The following C19orf67 variants were observed in gnomAD, a reference collection of about 807,000 sequenced individuals.
C19orf67 encodes the protein UPF0575 protein C19orf67.
C19orf67 carries 28 observed loss-of-function variants against 41.4 expected under a neutral mutation model. That is an observed-to-expected ratio of 0.68 (90% CI 0.50 to 0.93). C19orf67 has a LOEUF of 0.93. C19orf67 is among the 40% of genes least tolerant of loss of function. The pLI is 0.00. For synonymous variants in C19orf67, 242 were observed against 203.4 expected, an observed-to-expected ratio of 1.19 and a Z score of -1.62; for missense variants, 421 against 467.0, an observed-to-expected ratio of 0.90 and a Z score of 0.91.
In C19orf67 at chr19:14,081,779, C is replaced by A; in HGVS notation, c.*55G>T. ...AGAACGAGTGAGCCCCTCCCCTGCC[C>A]CCTATTCTGGAGTTTGGAACTGTCA... On this transcript the variant is annotated 3_prime_UTR_variant, in exon 6 of 6. Coordinates refer to ENST00000548523, the MANE Select transcript of C19orf67 (RefSeq NM_001277378.2). The A allele has an allele frequency of 7.3e-7, 1 of 1,377,444 alleles. No individual in the cohort carries two copies. The highest frequency in any genetic ancestry group is 9.6e-7 in the Non-Finnish European group (1 of 1,044,816). 85.3% of individuals were successfully genotyped at this position (1,377,444 alleles called of 1,614,324 possible).
intron 1 of C19orf67, 34 bp from the exon 2 acceptor site, chr19:14,083,911 C>A: frequency 7.7e-6 from 10 of 1,296,404 alleles, no homozygotes; most frequent in Middle Eastern, 2.3e-4. Flanking sequence ...CCTGGAATCC[C>A]TCACAACCCC....
At chr19:14,083,946 T>G in intron 1 of C19orf67, 69 bp from the exon 2 acceptor site, 1 of 1,271,640 alleles carries the variant, frequency 7.9e-7, no homozygotes, top group Non-Finnish European at 9.9e-7. Flanking sequence ...TTTTCCCCAT[T>G]CTACTCAATC....
intron 5 of C19orf67, 43 bp downstream of exon 5, chr19:14,082,426 C>T (rs769761501): frequency 1.3e-4 from 196 of 1,497,336 alleles, no homozygotes; most frequent in Non-Finnish European, 1.7e-4. Flanking sequence ...TCTGCCTCCC[C>T]CTCCAGCTCC....
chr19:14,085,589 C>T lies in C19orf67; in HGVS notation c.39G>A (p.Leu13=). The T allele has an allele frequency of 6.5e-7, 1 of 1,535,200 alleles. No individual in the cohort carries two copies. The highest frequency in any genetic ancestry group is 8.7e-7 in the Non-Finnish European group (1 of 1,146,596). ...TEQWFEGSLP[L]DPGETPPPDA... Reference sequence around the variant, plus strand: ...CTGGAGGCGGTGTTTCTCCAGGGTCCAGGGGGAGCGACCCCTCGAACCACT... The same window carrying T: ...CTGGAGGCGGTGTTTCTCCAGGGTCTAGGGGGAGCGACCCCTCGAACCACT... Residue 13 remains leucine (L), a synonymous_variant, in exon 1 of 6, where the codon CTG becomes CTA. Coordinates refer to ENST00000548523, the MANE Select transcript of C19orf67 (RefSeq NM_001277378.2).
intron 1 of C19orf67, 84 bp downstream of exon 1, chr19:14,085,209 C>G: frequency 8.6e-7 from 1 of 1,157,208 alleles, no homozygotes; most frequent in Non-Finnish European, 1.2e-6. Context: ...TGTAATTTTG[C>G]GACCCTGGTG....
rs1408429223 is a variant in C19orf67 at position 14,085,316 on chromosome 19, A to G, written c.312T>C (p.Asp104=). The change falls in exon 1 of 6, where the codon GAT becomes GAC. Residue 104 remains aspartate, a synonymous_variant. Coordinates refer to ENST00000548523, the MANE Select transcript of C19orf67 (RefSeq NM_001277378.2). ...QLRYLLKKAD[D]FQSYLLYSRD... ...ACCTGTAGAGCAAGTAGCTCTGGAA[A>G]TCATCTGCCTTCTTCAGTAGGTAGC... is the stretch of plus-strand genomic sequence containing the variant. The G allele has an allele frequency of 6.5e-7, 1 of 1,536,192 alleles. No homozygotes were observed. Among genetic ancestry groups the G allele is most frequent in the Admixed American group, 2.0e-5 (1 of 51,002 alleles).
Position 14,081,829 on chromosome 19 carries a change from C to T in C19orf67, c.*5G>A, listed in dbSNP as rs1976771822. The T allele has an allele frequency of 1.3e-6, 2 of 1,514,466 alleles. No individual in the cohort carries two copies. The highest frequency in any genetic ancestry group is 2.2e-5 in the Admixed American group (1 of 46,256). 93.8% of individuals were successfully genotyped at this position (1,514,466 alleles called of 1,614,324 possible). A position where few individuals can be genotyped will look rare whatever the true frequency, so the allele number is the denominator to read the frequency against. On this transcript the variant is annotated 3_prime_UTR_variant, in exon 6 of 6. Transcript: ENST00000548523. ...AAGTTCCAGCTCCTACCCTCTTCCC[C>T]AGGTTCAAGACCCCTGCGCTGCCCA...
At chr19:14,084,392 T>TAAA (rs61253783) in intron 1 of C19orf67, among the ~76,000 whole-genome samples, 1 of 133,468 alleles carries the variant, frequency 7.5e-6, no homozygotes, top group African/African-American at 2.7e-5. Flanking sequence ...CCTGTCTCAT[T>TAAA]AAAAAAAAAA....
chr19:14,085,168 C>T, intron 1 of C19orf67, 125 bp downstream of exon 1: 1 of 704,268 alleles, frequency 1.4e-6, no homozygotes, highest in African/African-American at 1.8e-5. Context: ...ATGCTAGCTT[C>T]TTCCACTGTC....
intron 4 of C19orf67, among the ~76,000 whole-genome samples, chr19:14,083,020 T>C (rs1399559907): frequency 6.6e-6 from 1 of 152,108 alleles, no homozygotes; most frequent in Non-Finnish European, 1.5e-5. Flanking sequence ...AATTTCTTTG[T>C]TGTTGAGACA....
rs1399989490 is a variant in C19orf67 at position 14,085,478 on chromosome 19, A to G, written c.150T>C (p.Asp50=). ...PGRPGNPSEP[D]PEDAEGRLAE... is the part of the protein sequence containing the mutation. ...CCAGCCGCCCCTCGGCATCTTCAGG[A>G]TCCGGCTCAGATGGGTTCCCAGGCC... Residue 50 remains aspartate, a synonymous_variant, in exon 1 of 6, where the codon GAT becomes GAC. Coordinates refer to ENST00000548523, the MANE Select transcript of C19orf67 (RefSeq NM_001277378.2). 6.5e-7 allele frequency: 1 copy of G among 1,535,410 alleles called. No homozygotes were observed. The highest frequency in any genetic ancestry group is 2.0e-5 in the Admixed American group (1 of 50,958).
intron 1 of C19orf67, among the ~76,000 whole-genome samples, chr19:14,084,376 C>A (rs977421934): frequency 6.7e-6 from 1 of 149,874 alleles, no homozygotes; most frequent in Non-Finnish European, 1.5e-5. Flanking sequence ...GGTGACAGAG[C>A]GAGACCCTGT....
chr19:14,082,116 G>T, intron 5 of C19orf67, 108 bp from the exon 6 acceptor site: 1 of 1,024,778 alleles, frequency 9.8e-7, no homozygotes, highest in Non-Finnish European at 1.4e-6. Flanking sequence ...CTTTGTTTCA[G>T]CTGCGGGTGG....
Position 14,083,869 on chromosome 19 carries a change from T to G in C19orf67, c.344A>C (p.Gln115Pro), listed in dbSNP as rs1175874163. ...FQSYLLYSRD[Q>P]VQKEQLAKAM... ...CTTGGCCAGCTGCTCCTTCTGTACT[T>G]GGTCTCTGCTGAAGGAAGAAGGGGG... Residue 115 changes from glutamine (Q) to proline (P), a missense_variant, in exon 2 of 6, where the codon CAA becomes CCA. This residue lies in a region of C19orf67 where 8 missense variants were observed against 20.7 expected (regional missense o/e 0.39). Coordinates refer to ENST00000548523, the MANE Select transcript of C19orf67 (RefSeq NM_001277378.2). The G allele has an allele frequency of 7.4e-7, 1 of 1,354,424 alleles. No individual in the cohort carries two copies. The allele number at this position is 1,354,424 out of a possible 1,614,324, so 83.9% of individuals were successfully genotyped here.
rs1976843366 is a variant in C19orf67, at chr19:14,085,525, A to AG, written c.102dup (p.Ser35LeufsTer14). The AG allele has an allele frequency of 1.3e-6, 2 of 1,535,156 alleles. No individual in the cohort carries two copies. Among genetic ancestry groups the AG allele is most frequent in the South Asian group, 2.4e-5 (2 of 84,044 alleles). ...GGCCTGCCAGGGGGCGTCGACCTGG[A>AG]GGGGTCTCCGCAGGGCGGCGTCCCA... On this transcript the variant is annotated frameshift_variant, in exon 1 of 6. Transcript: ENST00000548523. LOFTEE classifies it high-confidence loss of function.
In C19orf67 at chr19:14,081,632, C is replaced by T. The variant is rs1046124458; in HGVS notation, c.*202G>A. On this transcript the variant is annotated 3_prime_UTR_variant, in exon 6 of 6. Coordinates refer to ENST00000548523, the MANE Select transcript of C19orf67 (RefSeq NM_001277378.2). ...CGGACGCTGAGCCTGTGACCTCTTT[C>T]TTTCTTTTATTTAACACAAAACTGA... is the stretch of plus-strand genomic sequence containing the variant. 4 of 425,022 alleles carry T rather than the reference C, an allele frequency of 9.4e-6. No homozygotes were observed. Among genetic ancestry groups the T allele is most frequent in the African/African-American group, 6.2e-5 (3 of 48,620 alleles). The allele number at this position is 425,022 out of a possible 1,614,324, so 26.3% of individuals were successfully genotyped here.
At position 14,083,325 on chromosome 19, in the gene C19orf67, AGCGGCTGGCAGTGTAG is replaced by A; in HGVS notation, c.663_678del (p.Tyr222SerfsTer65). ...ATCTTCTTATAGAGGTAGCGGGGGA[AGCGGCTGGCAGTGTAG>A]GCGGTTGGGGCACAGTATCTGAAGA... is the stretch of plus-strand genomic sequence containing the variant. On this transcript the variant is annotated frameshift_variant, in exon 4 of 6. Transcript: ENST00000548523. LOFTEE classifies it high-confidence loss of function. 6.5e-7 allele frequency: 1 copy of A among 1,536,042 alleles called. No individual in the cohort carries two copies. The highest frequency in any genetic ancestry group is 8.7e-7 in the Non-Finnish European group (1 of 1,146,886).
Position 14,083,894 on chromosome 19 carries a change from G to A in C19orf67, c.336-17C>T. The A allele has an allele frequency of 1.2e-5, 15 of 1,299,026 alleles. No individual in the cohort carries two copies. Among genetic ancestry groups the A allele is most frequent in the Non-Finnish European group, 1.5e-5 (15 of 1,022,770 alleles). 80.5% of individuals were successfully genotyped at this position (1,299,026 alleles called of 1,614,324 possible). A position where few individuals can be genotyped will look rare whatever the true frequency, so the allele number is the denominator to read the frequency against. ...TGGTCTCTGCTGAAGGAAGAAGGGG[G>A]CCTTTGCCTGGAATCCCTCACAACC... On this transcript the variant is annotated splice_polypyrimidine_tract_variant and intron_variant, in intron 1 of 5. Transcript: ENST00000548523.
In C19orf67 at chr19:14,085,448, C is replaced by T. The variant is rs1445740161; in HGVS notation, c.180G>A (p.Glu60=). The stretch of plus-strand genomic sequence containing the variant: ...TGGGGGAAGACGTGGAGGCCCGGGC[C>T]TCAGCCAGCCGCCCCTCGGCATCTT... ...DPEDAEGRLA[E]ARASTSSPKP... Residue 60 remains glutamate (E), a synonymous_variant, in exon 1 of 6, where the codon GAG becomes GAA. Coordinates refer to ENST00000548523, the MANE Select transcript of C19orf67 (RefSeq NM_001277378.2). 2.0e-6 allele frequency: 3 copies of T among 1,535,604 alleles called. No individual in the cohort carries two copies. The highest frequency in any genetic ancestry group is 2.6e-6 in the Non-Finnish European group (3 of 1,146,754).
Sources: allele counts gnomAD v4.1 joint callset (sites outside exome capture counted in the v4.1 genomes callset), GRCh38; gene constraint gnomAD v4.1.1; regional missense constraint gnomAD v4.1.1; transcripts MANE v1.5; gene names NCBI Gene and HGNC (gene_info 2026-07-23, HGNC 2026-07-21).